SIPA1L2: variants seen among roughly 807,000 people sequenced by gnomAD.
SIPA1L2 encodes the protein signal-induced proliferation-associated 1-like protein 2.
Under a neutral mutation model 163.9 loss-of-function variants are expected in SIPA1L2, and 56 were observed. That is an observed-to-expected ratio of 0.34 (90% CI 0.28 to 0.43). The LOEUF is 0.43. Ranked by LOEUF, SIPA1L2 falls within the 20% of genes least tolerant of loss-of-function variation. The pLI is 1.00. For synonymous variants in SIPA1L2, 877 were observed against 865.7 expected (o/e 1.01, Z -0.23); for missense variants, 1,974 against 2,193.5 (o/e 0.90, Z 2.00).
chr1:232,475,210 C>G (rs957611727), intron 7 of SIPA1L2, among the ~76,000 whole-genome samples: 1 of 152,172 alleles, frequency 6.6e-6, no homozygotes, highest in African/African-American at 2.4e-5. Flanking sequence ...CCTACCTCTC[C>G]GACCTCATCA....
At chr1:232,459,750 C>A in intron 10 of SIPA1L2, among the ~76,000 whole-genome samples, 1 of 151,958 alleles carries the variant, frequency 6.6e-6, no homozygotes, top group East Asian at 1.9e-4. Flanking sequence ...TGGGCTCAAG[C>A]GATCTGCCCA....
At chr1:232,423,981 G>C (rs967713107) in intron 18 of SIPA1L2, among the ~76,000 whole-genome samples, 7 of 152,184 alleles carry the variant, frequency 4.6e-5, no homozygotes, top group African/African-American at 1.7e-4. Flanking sequence ...AGCTAGAGGG[G>C]AGGGAGGGAT....
At chr1:232,503,609 G>C (rs1666586472) in intron 3 of SIPA1L2, among the ~76,000 whole-genome samples, 1 of 152,210 alleles carries the variant, frequency 6.6e-6, no homozygotes, top group African/African-American at 2.4e-5. Flanking sequence ...CTGTGCACCT[G>C]TACCTTCCAG....
rs758221105 is a variant in SIPA1L2 at position 232,461,115 on chromosome 1, T to C, written c.2867A>G (p.Asn956Ser). 3.1e-6 allele frequency: 5 copies of C among 1,614,254 alleles called. No individual in the cohort carries two copies. In the East Asian group the frequency reaches 1.1e-4, roughly 36 times the overall value. Residue 956 changes from asparagine to serine, a missense_variant, in exon 10 of 23, where the codon AAC becomes AGC. Coordinates refer to ENST00000674635, the MANE Select transcript of SIPA1L2 (RefSeq NM_020808.5). ...ATGGAAGCCAAGCTGGCCCAGCCCG[T>C]TCCTCCTCAGGGTCATTTCCACAGT... is the stretch of plus-strand genomic sequence containing the variant. Reference protein sequence around the residue: ...CETVEMTLRRNGLGQLGFHVN... With the variant: ...CETVEMTLRRSGLGQLGFHVN...
At chr1:232,559,035 C>T (rs1658887132) in intron 2 of SIPA1L2, among the ~76,000 whole-genome samples, 1 of 152,108 alleles carries the variant, frequency 6.6e-6, no homozygotes, top group South Asian at 2.1e-4. Context: ...GTTAATTTCA[C>T]ACTCTAGAGT....
chr1:232,602,807 A>G (rs1661673489), intron 1 of SIPA1L2, among the ~76,000 whole-genome samples: 2 of 152,254 alleles, frequency 1.3e-5, no homozygotes, highest in East Asian at 1.9e-4. Flanking sequence ...TACTCCTGCA[A>G]TGCCCAGTAT....
chr1:232,495,836 A>C (rs1572983976), intron 3 of SIPA1L2, among the ~76,000 whole-genome samples: 1 of 152,222 alleles, frequency 6.6e-6, no homozygotes, highest in Non-Finnish European at 1.5e-5. Context: ...TCAGAAAAGT[A>C]AATTCTTTTA....
intron 1 of SIPA1L2, among the ~76,000 whole-genome samples, chr1:232,580,015 A>C (rs1325311762): frequency 6.6e-6 from 1 of 152,220 alleles, no homozygotes; most frequent in African/African-American, 2.4e-5. Flanking sequence ...AAGAATTAAA[A>C]AATGGCTACT....
chr1:232,478,306 G>A (rs564163612), intron 7 of SIPA1L2, among the ~76,000 whole-genome samples: 13 of 152,282 alleles, frequency 8.5e-5, no homozygotes, highest in Non-Finnish European at 1.5e-5. Context: ...ACAAGGGATT[G>A]AGATAAGTAT....
chr1:232,629,728 G>A (rs1000805383), intron 1 of SIPA1L2, among the ~76,000 whole-genome samples, 141 bp downstream of exon 1: 5 of 151,164 alleles, frequency 3.3e-5, no homozygotes, highest in Non-Finnish European at 4.4e-5. Flanking sequence ...GCACCCCCGC[G>A]CCCCTCGCAC....
chr1:232,431,626 T>G (rs558489554), intron 16 of SIPA1L2, among the ~76,000 whole-genome samples: 4 of 152,334 alleles, frequency 2.6e-5, no homozygotes, highest in African/African-American at 9.6e-5. Context: ...AAGCAAATAG[T>G]TCCTTAGCCC....
intron 1 of SIPA1L2, among the ~76,000 whole-genome samples, chr1:232,587,839 A>G (rs1045327409): frequency 2.0e-5 from 3 of 152,108 alleles, no homozygotes; most frequent in Non-Finnish European, 4.4e-5. Context: ...GGCAGTGAAT[A>G]AGTCTCACAA....
chr1:232,403,107 C>T (rs1660440397), intron 21 of SIPA1L2, among the ~76,000 whole-genome samples: 1 of 152,192 alleles, frequency 6.6e-6, no homozygotes, highest in African/African-American at 2.4e-5. Context: ...GCGAGTTATC[C>T]CTGCATGGTG....
intron 2 of SIPA1L2, among the ~76,000 whole-genome samples, chr1:232,548,944 G>C (rs59589748): frequency 0.1 from 15,505 of 152,288 alleles, 1,359 homozygotes; most frequent in East Asian, 0.42. Context: ...TGTGCAGGGA[G>C]GAGCAGAAGC....
At chr1:232,476,014 AATATTCT>A (rs1332024198) in intron 7 of SIPA1L2, among the ~76,000 whole-genome samples, 10 of 152,192 alleles carry the variant, frequency 6.6e-5, no homozygotes, top group African/African-American at 2.4e-4. Flanking sequence ...ATCCTTCCAA[AATATTCT>A]ATAGTATTAT....
intron 17 of SIPA1L2, among the ~76,000 whole-genome samples, chr1:232,426,819 TACTC>T (rs1341459377): frequency 6.6e-6 from 1 of 152,194 alleles, no homozygotes; most frequent in African/African-American, 2.4e-5. Context: ...AGTGGTCAAA[TACTC>T]AAGAAAAGTT....
At position 232,464,974 on chromosome 1, in the gene SIPA1L2, A is replaced by G. The variant is rs758599244; in HGVS notation, c.2686T>C (p.Ser896Pro). The change falls in exon 9 of 23, where the codon TCC (serine) becomes CCC (proline). Residue 896 changes from serine to proline, a missense_variant. Physicochemically the swap from Ser to Pro is moderately conservative, Grantham distance 74 (BLOSUM62 -1). Coordinates refer to ENST00000674635, the MANE Select transcript of SIPA1L2 (RefSeq NM_020808.5). ...KDSKNVVFNC[S>P]CRDVIGWTSG... ...GTCCACCCAATCACATCCCTGCAGG[A>G]ACAGTTGAATACAACATTCTTGGAA... is the stretch of plus-strand genomic sequence containing the variant. The G allele has an allele frequency of 5.6e-6, 9 of 1,614,230 alleles. No individual in the cohort carries two copies. The South Asian group carries it at 9.9e-5, about 18-fold the overall frequency.
intron 2 of SIPA1L2, among the ~76,000 whole-genome samples, chr1:232,528,102 A>ATATATATATATATATAT (rs34779799): frequency 4.4e-4 from 52 of 118,392 alleles, no homozygotes; most frequent in Middle Eastern, 5.1e-3. Flanking sequence ...ATATATATAT[A>ATATATATATATATATAT]ATCAACTTTC....
rs947909517 is a variant in SIPA1L2 at position 232,561,051 on chromosome 1, G to C, written c.-270+13123C>G. Among the ~76,000 whole-genome samples the C allele has an allele frequency of 2.0e-5, 3 of 152,084 alleles. No individual in the cohort carries two copies. In the East Asian group the frequency reaches 5.8e-4, roughly 29 times the overall value. On this transcript the variant is annotated intron_variant, in intron 2 of 22. Coordinates refer to ENST00000674635, the MANE Select transcript of SIPA1L2 (RefSeq NM_020808.5). Reference sequence around the variant, plus strand: ...TTATGACTCTTACACATTTGCTCACGTGCATAAAAAGTCATTTGGTTTAGA... The same window carrying C: ...TTATGACTCTTACACATTTGCTCACCTGCATAAAAAGTCATTTGGTTTAGA...
Sources: allele counts gnomAD v4.1 joint callset (sites outside exome capture counted in the v4.1 genomes callset), GRCh38; gene constraint gnomAD v4.1.1; transcripts MANE v1.5; gene names NCBI Gene and HGNC (gene_info 2026-07-23, HGNC 2026-07-21).